RBPJ: variants seen among roughly 807,000 people sequenced by gnomAD.
The protein encoded by RBPJ is recombining binding protein suppressor of hairless.
RBPJ carries 9 observed loss-of-function variants against 67.8 expected under a neutral mutation model. That is an observed-to-expected ratio of 0.13 (90% CI 0.08 to 0.23). RBPJ has a LOEUF of 0.23. RBPJ is among the 10% of genes least tolerant of loss of function. The pLI is 1.00. For synonymous variants in RBPJ, 198 were observed against 203.3 expected (o/e 0.97, Z 0.22); for missense variants, 305 against 595.6 (o/e 0.51, Z 5.08).
chr4:26,427,306 C>T (rs1400748558), intron 7 of RBPJ, among the ~76,000 whole-genome samples: 4 of 152,084 alleles, frequency 2.6e-5, no homozygotes, highest in Admixed American at 2.6e-4. Flanking sequence ...GGGGAAGGAT[C>T]AAGTTTAGGA....
intron 1 of RBPJ, among the ~76,000 whole-genome samples, chr4:26,186,822 C>A (rs975756700): frequency 6.6e-6 from 1 of 152,118 alleles, no homozygotes; most frequent in African/African-American, 2.4e-5. Flanking sequence ...ATGTGTTATA[C>A]CAACTTATAC....
the RBPJ span, among the ~76,000 whole-genome samples, chr4:26,157,479 A>G: frequency 2.6e-5 from 4 of 152,240 alleles, no homozygotes; most frequent in Non-Finnish European, 5.9e-5. Flanking sequence ...AAATCTTCCT[A>G]TAGATAAATT....
intron 1 of RBPJ, among the ~76,000 whole-genome samples, chr4:26,356,423 CCTGT>C (rs1338835551): frequency 2.6e-5 from 4 of 152,286 alleles, no homozygotes; most frequent in Non-Finnish European, 5.9e-5. Flanking sequence ...TTAGCTTCTT[CCTGT>C]CTGTTTGTAA....
chr4:26,418,002 A>AT (rs1478038983), intron 4 of RBPJ, among the ~76,000 whole-genome samples: 7 of 152,326 alleles, frequency 4.6e-5, no homozygotes, highest in African/African-American at 1.2e-4. Context: ...AAAAATTTAC[A>AT]TTTTTTATAG....
intron 2 of RBPJ, among the ~76,000 whole-genome samples, chr4:26,403,303 T>A (rs923585967): frequency 6.6e-6 from 1 of 152,114 alleles, no homozygotes; most frequent in Non-Finnish European, 1.5e-5. Flanking sequence ...CCACTTTTTT[T>A]ATACTTAAAG....
At position 26,424,289 on chromosome 4, in the gene RBPJ, C is replaced by T. The variant is rs1465360361; in HGVS notation, c.497-53C>T. The T allele has an allele frequency of 4.5e-6, 7 of 1,566,160 alleles. No homozygotes were observed. Among genetic ancestry groups the T allele is most frequent in the East Asian group, 2.3e-5 (1 of 44,442 alleles). On this transcript the variant is annotated intron_variant, in intron 5 of 10. Transcript: ENST00000355476. This position sits in a 1 kb window ranked among gnomAD's most constrained non-coding sequence, Gnocchi z 5.3. ...CAAGCAGAATTTCCTTCTTTTGCTCCCTCCCCACCTTCTGCTCCAATCACA... is the reference window on the plus strand; with the variant it reads ...CAAGCAGAATTTCCTTCTTTTGCTCTCTCCCCACCTTCTGCTCCAATCACA...
the RBPJ span, among the ~76,000 whole-genome samples, chr4:26,110,479 G>A: frequency 6.6e-6 from 1 of 152,116 alleles, no homozygotes; most frequent in Non-Finnish European, 1.5e-5. The surrounding 1 kb of genome is among the most constrained non-coding windows in gnomAD (Gnocchi z 4.5). Context: ...TGGCCGCTTT[G>A]AACTCTCCAC....
chr4:26,279,240 A>G (rs1272481761), intron 1 of RBPJ, among the ~76,000 whole-genome samples: 1 of 152,108 alleles, frequency 6.6e-6, no homozygotes, highest in Non-Finnish European at 1.5e-5. Flanking sequence ...GAGCCTAGCC[A>G]CTTATAGAAA....
At chr4:26,347,056 C>A (rs1379797225) in intron 1 of RBPJ, among the ~76,000 whole-genome samples, 1 of 152,008 alleles carries the variant, frequency 6.6e-6, no homozygotes, top group Non-Finnish European at 1.5e-5. Flanking sequence ...ATGCTTTACA[C>A]GTGTTGCCAG....
chr4:26,406,425 C>A lies in RBPJ; in HGVS notation c.155+155C>A, dbSNP rs183408739. ...GGATTTGTCTCCTGAAGGGGAGAAACAAAGTGAATTGTGGTATACTGTTAG... is the reference window on the plus strand; with the variant it reads ...GGATTTGTCTCCTGAAGGGGAGAAAAAAAGTGAATTGTGGTATACTGTTAG... On this transcript the variant is annotated intron_variant, in intron 3 of 10. Transcript: ENST00000355476. Among the ~76,000 whole-genome samples, 50 of 152,190 alleles carry A rather than the reference C, an allele frequency of 3.3e-4. No individual in the cohort carries two copies. The East Asian group carries it at 8.5e-3, about 26-fold the overall frequency.
At chr4:26,281,951 C>T (rs748602222) in intron 1 of RBPJ, among the ~76,000 whole-genome samples, 5 of 152,166 alleles carry the variant, frequency 3.3e-5, no homozygotes, top group Non-Finnish European at 7.4e-5. Flanking sequence ...TTATAGAGCT[C>T]TCTCAAATAA....
At chr4:26,278,365 T>C (rs750207070) in intron 1 of RBPJ, among the ~76,000 whole-genome samples, 3 of 152,198 alleles carry the variant, frequency 2.0e-5, no homozygotes, top group Non-Finnish European at 4.4e-5. Flanking sequence ...GATATATATG[T>C]AGGCAATCTG....
At chr4:26,121,697 A>C in the RBPJ span, among the ~76,000 whole-genome samples, 43,955 of 151,946 alleles carry the variant, frequency 0.29, 6,792 homozygotes, top group African/African-American at 0.33. Context: ...AATTATCCTG[A>C]GTTCACATAG....
chr4:26,363,244 A>G (rs1005507976), intron 1 of RBPJ, among the ~76,000 whole-genome samples: 5 of 151,944 alleles, frequency 3.3e-5, no homozygotes, highest in East Asian at 1.9e-4. Flanking sequence ...GGTTCAACCA[A>G]TTCTTCTGCC....
intron 1 of RBPJ, among the ~76,000 whole-genome samples, chr4:26,261,712 A>G (rs941669463): frequency 6.6e-6 from 1 of 152,202 alleles, no homozygotes; most frequent in Non-Finnish European, 1.5e-5. Flanking sequence ...CTTTATTCTA[A>G]GAGTGATGTA....
intron 2 of RBPJ, among the ~76,000 whole-genome samples, chr4:26,392,072 C>T (rs200954565): frequency 1.3e-5 from 2 of 152,256 alleles, no homozygotes; most frequent in East Asian, 3.9e-4. Flanking sequence ...AGATGCCCCA[C>T]CTCCTATTAG....
At chr4:26,287,926 T>G (rs533357646) in intron 1 of RBPJ, among the ~76,000 whole-genome samples, 1 of 152,286 alleles carries the variant, frequency 6.6e-6, no homozygotes, top group African/African-American at 2.4e-5. Flanking sequence ...GAACTCTCTC[T>G]GCTTCTCTGC....
the RBPJ span, among the ~76,000 whole-genome samples, chr4:26,147,687 C>T: frequency 1.3e-5 from 2 of 152,066 alleles, no homozygotes; most frequent in South Asian, 2.1e-4. Flanking sequence ...GGCGTGATCT[C>T]GGCTTACTGC....
chr4:26,351,316 C>T (rs1726778055), intron 1 of RBPJ, among the ~76,000 whole-genome samples: 1 of 152,120 alleles, frequency 6.6e-6, no homozygotes, highest in Admixed American at 6.5e-5. Context: ...TTCATACTAA[C>T]AGGAAGAAGA....
Sources: allele counts gnomAD v4.1 joint callset (sites outside exome capture counted in the v4.1 genomes callset), GRCh38; gene constraint gnomAD v4.1.1; non-coding constraint Gnocchi (gnomAD v3.1); transcripts MANE v1.5; gene names NCBI Gene and HGNC (gene_info 2026-07-23, HGNC 2026-07-21).